The following GPHN variants were observed in gnomAD, a reference collection of about 807,000 sequenced individuals.
The protein encoded by GPHN is gephyrin.
GPHN carries 17 observed loss-of-function variants against 95.5 expected under a neutral mutation model. That is an observed-to-expected ratio of 0.18 (90% CI 0.12 to 0.27). The LOEUF (loss-of-function observed/expected upper bound fraction) is 0.27. GPHN is among the 10% of genes least tolerant of loss of function. The pLI is 1.00. For synonymous variants in GPHN, 320 were observed against 322.5 expected (o/e 0.99, Z 0.08); for missense variants, 660 against 978.1 (o/e 0.67, Z 4.34).
intron 1 of GPHN, among the ~76,000 whole-genome samples, chr14:66,590,810 C>G (rs997363699): frequency 5.9e-5 from 9 of 152,028 alleles, no homozygotes; most frequent in African/African-American, 2.2e-4. Context: ...TTTTTGAGAC[C>G]AGTATCATCC....
At chr14:67,166,604 G>C (rs2082292147) in intron 20 of GPHN, among the ~76,000 whole-genome samples, 1 of 152,050 alleles carries the variant, frequency 6.6e-6, no homozygotes, top group Admixed American at 6.6e-5. Flanking sequence ...CCATTTACAA[G>C]GATTTTCTTT....
chr14:67,579,517 C>T, the GPHN span: 1 of 639,256 alleles, frequency 1.6e-6, no homozygotes, highest in Non-Finnish European at 2.6e-6. Flanking sequence ...AGGAGGGACC[C>T]AGGTATGCCC....
the GPHN span, chr14:67,576,037 G>C: frequency 6.6e-7 from 1 of 1,521,284 alleles, no homozygotes; most frequent in Admixed American, 1.9e-5. The surrounding 1 kb of genome is among the most constrained non-coding windows in gnomAD (Gnocchi z 4.0). Context: ...CCAGGGCCAA[G>C]CTTGGACCTG....
intron 9 of GPHN, among the ~76,000 whole-genome samples, chr14:67,003,873 C>T (rs565001556): frequency 2.0e-5 from 3 of 151,652 alleles, no homozygotes; most frequent in Non-Finnish European, 4.4e-5. Flanking sequence ...TTTGAGTCAG[C>T]AGAGCAAAGT....
At chr14:66,725,029 A>G (rs1485659809) in intron 2 of GPHN, among the ~76,000 whole-genome samples, 1 of 152,186 alleles carries the variant, frequency 6.6e-6, no homozygotes. Context: ...AGATCATAAA[A>G]GTGTGGCTCT....
chr14:67,582,253 T>C, the GPHN span: 4 of 1,612,618 alleles, frequency 2.5e-6, no homozygotes, highest in Non-Finnish European at 3.4e-6. This position sits in a 1 kb window ranked among gnomAD's most constrained non-coding sequence, Gnocchi z 5.0. Flanking sequence ...GTTGCCAGCT[T>C]AGAATGAATG....
At chr14:67,230,230 C>T in the GPHN span, among the ~76,000 whole-genome samples, 1 of 152,178 alleles carries the variant, frequency 6.6e-6, no homozygotes, top group Non-Finnish European at 1.5e-5. Flanking sequence ...CAAAAGGCAG[C>T]ATACACTGTA....
the GPHN span, among the ~76,000 whole-genome samples, chr14:67,240,451 C>A: frequency 2.6e-5 from 4 of 152,322 alleles, no homozygotes; most frequent in Admixed American, 2.0e-4. Context: ...GACTGTGCCC[C>A]TGGGGGAAAC....
At chr14:67,276,448 A>G in the GPHN span, among the ~76,000 whole-genome samples, 1 of 152,092 alleles carries the variant, frequency 6.6e-6, no homozygotes, top group Non-Finnish European at 1.5e-5. Flanking sequence ...ATGTATCCTT[A>G]TGTTTTGAGT....
At chr14:67,307,220 C>T in the GPHN span, among the ~76,000 whole-genome samples, 7 of 152,098 alleles carry the variant, frequency 4.6e-5, no homozygotes, top group African/African-American at 7.2e-5. Context: ...ATTATTCAAA[C>T]GTACAGTTTC....
chr14:67,234,847 G>A, the GPHN span, among the ~76,000 whole-genome samples: 2 of 151,060 alleles, frequency 1.3e-5, no homozygotes, highest in African/African-American at 4.9e-5. Context: ...ACTGCGCCCG[G>A]CCTACAGTTC....
the GPHN span, among the ~76,000 whole-genome samples, chr14:67,381,413 T>C: frequency 5.3e-5 from 8 of 152,256 alleles, no homozygotes; most frequent in East Asian, 1.5e-3. Flanking sequence ...GTTATTGTTA[T>C]ATTCCATCTT....
intron 6 of GPHN, among the ~76,000 whole-genome samples, chr14:66,921,182 T>A (rs1157567940): frequency 2.0e-5 from 3 of 152,192 alleles, no homozygotes; most frequent in Non-Finnish European, 1.5e-5. Flanking sequence ...ACAGTTTTCC[T>A]TAGTGGTTTC....
chr14:67,577,496 C>A, the GPHN span: 2 of 872,408 alleles, frequency 2.3e-6, no homozygotes, highest in Non-Finnish European at 3.7e-6. Flanking sequence ...TGGGGACAAC[C>A]CACAGAGGGA....
chr14:67,097,923 C>G (rs1290200297), intron 12 of GPHN, among the ~76,000 whole-genome samples: 1 of 151,832 alleles, frequency 6.6e-6, no homozygotes, highest in Non-Finnish European at 1.5e-5. Flanking sequence ...CGTATATAAA[C>G]AAAAATAAGT....
chr14:67,146,247 C>T (rs2080891581), intron 18 of GPHN, among the ~76,000 whole-genome samples: 1 of 152,158 alleles, frequency 6.6e-6, no homozygotes, highest in African/African-American at 2.4e-5. Context: ...AGACCAGTAC[C>T]TTCTTCCCAG....
At chr14:66,757,415 A>G (rs907060921) in intron 2 of GPHN, among the ~76,000 whole-genome samples, 13 of 152,086 alleles carry the variant, frequency 8.5e-5, no homozygotes, top group Admixed American at 6.5e-4. Flanking sequence ...ATTGAGACCA[A>G]TTCTCACTCT....
chr14:67,113,222 G>T (rs776560596), intron 16 of GPHN, 51 bp downstream of exon 16: 5 of 1,467,298 alleles, frequency 3.4e-6, no homozygotes, highest in South Asian at 2.3e-5. Context: ...TAAGATAAAG[G>T]TATTTCTGAC....
At chr14:67,117,765 CAA>C (rs1227563054) in intron 16 of GPHN, among the ~76,000 whole-genome samples, 1 of 152,066 alleles carries the variant, frequency 6.6e-6, no homozygotes. Context: ...AACCTTATAA[CAA>C]AAACAATATC....
Sources: gnomAD v4.1 joint callset for allele counts (sites outside exome capture counted in the v4.1 genomes callset) on GRCh38, gnomAD v4.1.1 for gene constraint, Gnocchi (gnomAD v3.1) non-coding constraint, MANE v1.5 for transcripts, NCBI Gene and HGNC (gene_info 2026-07-23, HGNC 2026-07-21) for gene names.